IGFL2: variants seen among roughly 807,000 people sequenced by gnomAD.
The protein encoded by IGFL2 is IGF like family member 2, also known as insulin growth factor-like family member 2.
Under a neutral mutation model 13.9 loss-of-function variants are expected in IGFL2, and 7 were observed. That is an observed-to-expected ratio of 0.51 (90% confidence interval 0.29 to 0.95). IGFL2 has a LOEUF of 0.95. Ranked by LOEUF, IGFL2 falls within the 40% of genes least tolerant of loss-of-function variation. The probability of loss-of-function intolerance (pLI) is 0.08; values close to 1 mark genes in which losing one functional copy is unlikely to be tolerated. For synonymous variants in IGFL2, 55 were observed against 55.8 expected (o/e 0.99, Z 0.07); for missense variants, 138 against 147.8 (o/e 0.93, Z 0.34).
the IGFL2 span, among the ~76,000 whole-genome samples, chr19:46,186,709 A>G: frequency 2.6e-5 from 4 of 152,198 alleles, no homozygotes; most frequent in South Asian, 8.3e-4. Context: ...CATAGATTTG[A>G]TGGCTGCAGG....
chr19:46,162,658 C>CT (rs1415173711), downstream of IGFL2, among the ~76,000 whole-genome samples: 13 of 152,102 alleles, frequency 8.5e-5, no homozygotes, highest in Non-Finnish European at 1.5e-4. Flanking sequence ...CTGTTAGGTT[C>CT]TTTTTTATAC....
chr19:46,192,542 C>T, the IGFL2 span, among the ~76,000 whole-genome samples: 1 of 151,818 alleles, frequency 6.6e-6, no homozygotes, highest in East Asian at 2.0e-4. Flanking sequence ...GCCTCAGCCT[C>T]CCAAGTAGCT....
rs764090549 is a variant in IGFL2, at chr19:46,160,830, A to G, written c.290A>G (p.Gln97Arg). The G allele has an allele frequency of 6.2e-7, 1 of 1,613,906 alleles. No individual in the cohort carries two copies. Among genetic ancestry groups the G allele is most frequent in the Admixed American group, 1.7e-5 (1 of 60,010 alleles). ...TNDFVVKLKVQGVNSQCHSSP... is the reference protein window; with the variant it reads ...TNDFVVKLKVRGVNSQCHSSP... ...GATTTTGTTGTGAAGCTGAAGGTTC[A>G]GGGTGTGAATTCCCAGTGCCACTCA... is the stretch of plus-strand genomic sequence containing the variant. Residue 97 changes from glutamine to arginine, a missense_variant, in exon 3 of 4, where the codon CAG becomes CGG. Gln to Arg is a conservative substitution (Grantham distance 43). Coordinates refer to ENST00000377693, the MANE Select transcript of IGFL2 (RefSeq NM_001135113.2).
At chr19:46,186,463 G>T in the IGFL2 span, among the ~76,000 whole-genome samples, 346 of 152,328 alleles carry the variant, frequency 2.3e-3, 2 homozygotes, top group African/African-American at 7.9e-3. Context: ...TGCTATTGTG[G>T]AATAAATTCC....
chr19:46,151,604 C>T (rs1973495874), intron 1 of IGFL2, among the ~76,000 whole-genome samples: 1 of 152,026 alleles, frequency 6.6e-6, no homozygotes, highest in African/African-American at 2.4e-5. Context: ...GTTTTAGGAT[C>T]AACTGATTAA....
At chr19:46,167,845 C>T in the IGFL2 span, among the ~76,000 whole-genome samples, 46 of 152,254 alleles carry the variant, frequency 3.0e-4, no homozygotes, top group Non-Finnish European at 5.4e-4. Flanking sequence ...AGTGAGAGGG[C>T]GGCTGTCTGC....
chr19:46,116,863 C>T, the IGFL2 span, among the ~76,000 whole-genome samples: 1 of 151,928 alleles, frequency 6.6e-6, no homozygotes. Flanking sequence ...TTTAATAGAG[C>T]CAGTAAATCT....
the IGFL2 span, chr19:46,124,388 A>G: frequency 6.7e-7 from 1 of 1,485,058 alleles, no homozygotes; most frequent in Non-Finnish European, 9.3e-7. Context: ...AAAACAAACA[A>G]ACAAACAAAC....
chr19:46,161,186 A>G lies in IGFL2; in HGVS notation c.*98A>G. On this transcript the variant is annotated 3_prime_UTR_variant, in exon 4 of 4. Transcript: ENST00000377693. ...TAGAGAAGCCTGAGGAATTTACAAA[A>G]TGATGCAGCTCCAAGCCATTGTATG... 1 of 886,188 alleles carries G rather than the reference A, an allele frequency of 1.1e-6. No homozygotes were observed. The highest frequency in any genetic ancestry group is 2.6e-5 in the East Asian group (1 of 37,794). The allele number at this position is 886,188 out of a possible 1,614,324, so 54.9% of individuals were successfully genotyped here. A position where few individuals can be genotyped will look rare whatever the true frequency, so the allele number is the denominator to read the frequency against.
chr19:46,162,647 C>G (rs114932660), downstream of IGFL2, among the ~76,000 whole-genome samples: 606 of 152,286 alleles, frequency 4.0e-3, 4 homozygotes, highest in African/African-American at 0.014. Flanking sequence ...CTCTGCCAGA[C>G]CTGTTAGGTT....
At chr19:46,177,005 G>A in the IGFL2 span, among the ~76,000 whole-genome samples, 1 of 152,106 alleles carries the variant, frequency 6.6e-6, no homozygotes, top group Non-Finnish European at 1.5e-5. Flanking sequence ...ATCACTTTAT[G>A]TGGTTCCAGA....
the IGFL2 span, among the ~76,000 whole-genome samples, chr19:46,123,613 A>G: frequency 1.3e-5 from 2 of 150,788 alleles, no homozygotes; most frequent in Non-Finnish European, 2.9e-5. Context: ...CAGGAAGGCA[A>G]CTGCACTGCT....
upstream of IGFL2, among the ~76,000 whole-genome samples, chr19:46,147,049 C>T (rs1227365232): frequency 6.6e-6 from 1 of 152,174 alleles, no homozygotes; most frequent in East Asian, 1.9e-4. Context: ...CAAAGCACTC[C>T]AGAAACAACA....
At chr19:46,201,135 G>C in the IGFL2 span, among the ~76,000 whole-genome samples, 6 of 152,332 alleles carry the variant, frequency 3.9e-5, no homozygotes, top group African/African-American at 1.4e-4. Context: ...CTCTCCACAA[G>C]GGAGGAGGAA....
the IGFL2 span, among the ~76,000 whole-genome samples, chr19:46,129,067 T>C: frequency 3.9e-3 from 598 of 152,298 alleles, 3 homozygotes; most frequent in African/African-American, 0.012. Context: ...CCTGGTCCAA[T>C]CTTGGGAGTG....
intron 1 of IGFL2, among the ~76,000 whole-genome samples, chr19:46,150,960 C>T (rs982444837): frequency 6.6e-6 from 1 of 152,230 alleles, no homozygotes; most frequent in African/African-American, 2.4e-5. Flanking sequence ...GCCATCACGT[C>T]CAGCCCACAA....
At chr19:46,149,115 C>A in intron 1 of IGFL2, 1 of 1,123,208 alleles carries the variant, frequency 8.9e-7, no homozygotes, top group Non-Finnish European at 1.3e-6. Context: ...CTGCTGTGTT[C>A]ACTAACTTCT....
the IGFL2 span, among the ~76,000 whole-genome samples, chr19:46,082,106 G>C: frequency 6.6e-6 from 1 of 152,140 alleles, no homozygotes; most frequent in Non-Finnish European, 1.5e-5. Flanking sequence ...TTCCTTGTTA[G>C]TACTATTCAT....
At chr19:46,105,829 G>C in the IGFL2 span, among the ~76,000 whole-genome samples, 1 of 152,152 alleles carries the variant, frequency 6.6e-6, no homozygotes, top group Non-Finnish European at 1.5e-5. Flanking sequence ...GGACAGAAAG[G>C]CTACAGGGTG....
Sources: gnomAD v4.1 joint callset for allele counts (sites outside exome capture counted in the v4.1 genomes callset) on GRCh38, gnomAD v4.1.1 for gene constraint, MANE v1.5 for transcripts, NCBI Gene and HGNC (gene_info 2026-07-23, HGNC 2026-07-21) for gene names.